Variants in SLC17A8 observed in about 807,000 individuals in gnomAD.
SLC17A8 encodes the protein solute carrier family 17 member 8, also known as vesicular glutamate transporter 3.
A neutral mutation model predicts 58.0 loss-of-function variants in SLC17A8; 31 were observed. The ratio of observed to expected loss-of-function variants is 0.53; its 90% CI spans 0.40 to 0.72. The LOEUF (loss-of-function observed/expected upper bound fraction) is 0.72, where lower values mean the gene tolerates loss of function less well. Among genes scored for constraint, SLC17A8 ranks in the 30% least tolerant of loss-of-function variants. The pLI is 0.00. For synonymous variants in SLC17A8, 228 were observed against 249.0 expected (o/e 0.92, Z 0.79); for missense variants, 655 against 727.8 (o/e 0.90, Z 1.15).
intron 10 of SLC17A8, 31 bp downstream of exon 10, chr12:100,412,911 A>C (rs1952881008): frequency 1.3e-6 from 2 of 1,518,992 alleles, no homozygotes; most frequent in East Asian, 4.5e-5. Context: ...CCAGATCTTG[A>C]CTATAGATTC....
chr12:100,400,161 T>C (rs190319864), intron 5 of SLC17A8, among the ~76,000 whole-genome samples: 48 of 152,246 alleles, frequency 3.2e-4, no homozygotes, highest in Admixed American at 2.9e-3. Context: ...AGGCATTCTT[T>C]TGCATTACCT....
intron 1 of SLC17A8, among the ~76,000 whole-genome samples, chr12:100,379,605 C>T (rs1288053471): frequency 1.3e-5 from 2 of 152,064 alleles, no homozygotes; most frequent in South Asian, 4.1e-4. Context: ...AGACTTGGAC[C>T]TTAAGTGGGC....
chr12:100,408,461 T>C (rs1208266856), intron 9 of SLC17A8, among the ~76,000 whole-genome samples: 1 of 152,196 alleles, frequency 6.6e-6, no homozygotes, highest in Non-Finnish European at 1.5e-5. Context: ...CTTTAAGTCC[T>C]AGTTTTGTTT....
chr12:100,393,364 C>T lies in SLC17A8; in HGVS notation c.474-5C>T. On this transcript the variant is annotated splice_region_variant and splice_polypyrimidine_tract_variant and intron_variant, in intron 3 of 11. Coordinates refer to ENST00000323346, the MANE Select transcript of SLC17A8 (RefSeq NM_139319.3). ...GCCGAATAACACAATGCTTTGGTCC[C>T]CCAGGGTCTTTGGAGCTGCCATCTT... 7.5e-6 allele frequency: 12 copies of T among 1,609,360 alleles called. No individual in the cohort carries two copies. Among genetic ancestry groups the T allele is most frequent in the Non-Finnish European group, 1.0e-5 (12 of 1,175,930 alleles).
chr12:100,395,865 G>A (rs1179528241), intron 4 of SLC17A8, among the ~76,000 whole-genome samples: 8 of 152,156 alleles, frequency 5.3e-5, no homozygotes, highest in Non-Finnish European at 7.4e-5. Flanking sequence ...CACCCACCTC[G>A]GCCTCTCAAA....
At chr12:100,376,530 C>T (rs914872270) in intron 1 of SLC17A8, among the ~76,000 whole-genome samples, 8 of 152,198 alleles carry the variant, frequency 5.3e-5, no homozygotes, top group African/African-American at 1.7e-4. Context: ...CTTGCCTCTA[C>T]CCACTAAGGG....
At chr12:100,395,920 G>A (rs112774097) in intron 4 of SLC17A8, among the ~76,000 whole-genome samples, 2,264 of 152,328 alleles carry the variant, frequency 0.015, 64 homozygotes, top group African/African-American at 0.05. Context: ...GCCTAGAAAT[G>A]TATTTCTTAC....
chr12:100,388,084 G>A (rs112429077), intron 2 of SLC17A8, among the ~76,000 whole-genome samples: 6 of 152,064 alleles, frequency 3.9e-5, no homozygotes, highest in South Asian at 2.1e-4. Context: ...CCTCTAACAC[G>A]CAAGACACAA....
chr12:100,382,010 A>C (rs1260310040), intron 2 of SLC17A8, among the ~76,000 whole-genome samples: 1 of 152,234 alleles, frequency 6.6e-6, no homozygotes, highest in African/African-American at 2.4e-5. Context: ...TAATGGCAGA[A>C]AATGCTAAAT....
At chr12:100,396,656 A>T (rs193239586) in intron 5 of SLC17A8, among the ~76,000 whole-genome samples, 1 of 151,836 alleles carries the variant, frequency 6.6e-6, no homozygotes, top group Admixed American at 6.6e-5. Context: ...AGGCTGAGGC[A>T]GGAGGACTGC....
At chr12:100,397,872 G>C (rs1952763938) in intron 5 of SLC17A8, among the ~76,000 whole-genome samples, 1 of 150,422 alleles carries the variant, frequency 6.6e-6, no homozygotes, top group Admixed American at 6.6e-5. Flanking sequence ...GAGCCCGGAG[G>C]TGGAGGTTGC....
In SLC17A8 at chr12:100,401,825, T is replaced by C. The variant is rs576070572; in HGVS notation, c.725T>C (p.Val242Ala). ...VVAMPLAGVLVQYIGWSSVFY... is the reference protein window; with the variant it reads ...VVAMPLAGVLAQYIGWSSVFY... ...GCCATGCCCCTGGCTGGGGTGTTGG[T>C]GCAGTACATTGGATGGTCCTCTGTC... The change falls in exon 6 of 12, where the codon GTG becomes GCG. Residue 242 changes from valine (V) to alanine (A), a missense_variant. Physicochemically the swap from Val to Ala is moderately conservative, Grantham distance 64. Coordinates refer to ENST00000323346, the MANE Select transcript of SLC17A8 (RefSeq NM_139319.3). The C allele has an allele frequency of 6.2e-7, 1 of 1,614,116 alleles. No homozygotes were observed. Among genetic ancestry groups the C allele is most frequent in the Admixed American group, 1.7e-5 (1 of 60,018 alleles).
At chr12:100,388,696 C>A (rs1315195337) in intron 2 of SLC17A8, among the ~76,000 whole-genome samples, 1 of 152,134 alleles carries the variant, frequency 6.6e-6, no homozygotes, top group Non-Finnish European at 1.5e-5. Flanking sequence ...TATGTAATAA[C>A]TTGTGACAGG....
At position 100,391,228 on chromosome 12, in the gene SLC17A8, C is replaced by CAGAATTG. The variant is rs1490716469; in HGVS notation, c.473+109_473+110insAGAATTG. 2.3e-5 allele frequency: 18 copies of CAGAATTG among 770,634 alleles called. No homozygotes were observed. In the African/African-American group the frequency reaches 3.1e-4, roughly 13 times the overall value. 47.7% of individuals were successfully genotyped at this position (770,634 alleles called of 1,614,324 possible). On this transcript the variant is annotated intron_variant, in intron 3 of 11. Transcript: ENST00000323346. ...GGGGGTGCAGAATGAAAAACAGGAG[C>CAGAATTG]CATCTGGATAGATGCAATTCACAGA...
intron 9 of SLC17A8, among the ~76,000 whole-genome samples, chr12:100,410,205 C>A (rs945208201): frequency 6.6e-6 from 1 of 151,968 alleles, no homozygotes; most frequent in African/African-American, 2.4e-5. Context: ...ACTAAAAATA[C>A]AAAAATTAGA....
Position 100,404,186 on chromosome 12 carries a change from T to C in SLC17A8, c.1186+16T>C, listed in dbSNP as rs202128184. On this transcript the variant is annotated intron_variant, in intron 9 of 11. Transcript: ENST00000323346. ...AACTGTGGAGGTACTGTGGATTTCA[T>C]AGATGGCTTAGGCAGCTTTTGTAGA... 6.8e-6 allele frequency: 11 copies of C among 1,614,118 alleles called. No individual in the cohort carries two copies. The highest frequency in any genetic ancestry group is 1.7e-5 in the Admixed American group (1 of 60,022).
chr12:100,397,865 C>A (rs1952763840), intron 5 of SLC17A8, among the ~76,000 whole-genome samples: 1 of 151,592 alleles, frequency 6.6e-6, no homozygotes, highest in Non-Finnish European at 1.5e-5. Flanking sequence ...ATCGCTTGAG[C>A]CCGGAGGTGG....
chr12:100,379,434 C>CAAAAAAA (rs142965532), intron 1 of SLC17A8, among the ~76,000 whole-genome samples: 1 of 137,388 alleles, frequency 7.3e-6, no homozygotes, highest in Non-Finnish European at 1.6e-5. Context: ...GATTCCGTCC[C>CAAAAAAA]CAAAAAAAAA....
intron 11 of SLC17A8, 129 bp downstream of exon 11, chr12:100,418,285 C>T (rs1952921762): frequency 8.6e-7 from 1 of 1,165,116 alleles, no homozygotes; most frequent in African/African-American, 1.5e-5. Flanking sequence ...GTCAGCTGAA[C>T]TTCTTTTTTT....
Sources: gnomAD v4.1 joint callset for allele counts (sites outside exome capture counted in the v4.1 genomes callset) on GRCh38, gnomAD v4.1.1 for gene constraint, MANE v1.5 for transcripts, NCBI Gene and HGNC (gene_info 2026-07-23, HGNC 2026-07-21) for gene names.